Variants in FLT1 observed in about 807,000 individuals in gnomAD.
FLT1 encodes the protein vascular endothelial growth factor receptor 1.
A neutral mutation model predicts 156.3 loss-of-function variants in FLT1; 49 were observed. The ratio of observed to expected loss-of-function variants is 0.31; its 90% confidence interval spans 0.25 to 0.40. FLT1 has a LOEUF of 0.40. FLT1 is among the 10% of genes least tolerant of loss of function. FLT1 has a pLI of 1.00. For missense variants in FLT1, 1,322 were observed against 1,637.2 expected, an observed-to-expected ratio of 0.81 and a Z score of 3.32; for synonymous variants, 594 against 583.8, an observed-to-expected ratio of 1.02 and a Z score of -0.25.
intron 6 of FLT1, among the ~76,000 whole-genome samples, chr13:28,433,574 A>G (rs1343944633): frequency 6.6e-6 from 1 of 152,198 alleles, no homozygotes; most frequent in African/African-American, 2.4e-5. Context: ...AGAATCATGC[A>G]ATAGAAATAC....
rs973821008 is a variant in FLT1, at chr13:28,302,848, C to G, written c.*319G>C. On this transcript the variant is annotated 3_prime_UTR_variant, in exon 30 of 30. Transcript: ENST00000282397. ...ATGCATTGGGTGATCAGTGCAGCTC[C>G]TCAATCAAACTGGTCCTGCGTGCCC... The G allele has an allele frequency of 1.3e-4, 56 of 438,074 alleles. No individual in the cohort carries two copies. Among genetic ancestry groups the G allele is most frequent in the Non-Finnish European group, 2.1e-4 (50 of 236,932 alleles). The allele number at this position is 438,074 out of a possible 1,614,324, so 27.1% of individuals were successfully genotyped here. A position where few individuals can be genotyped will look rare whatever the true frequency, so the allele number is the denominator to read the frequency against.
chr13:28,301,022 C>T lies in FLT1; in HGVS notation c.*2145G>A, dbSNP rs759959969. 2 of 232,488 alleles carry T rather than the reference C, an allele frequency of 8.6e-6. No individual in the cohort carries two copies. The highest frequency in any genetic ancestry group is 1.7e-5 in the Non-Finnish European group (2 of 117,724). The allele number at this position is 232,488 out of a possible 1,614,324, so 14.4% of individuals were successfully genotyped here. A position where few individuals can be genotyped will look rare whatever the true frequency, so the allele number is the denominator to read the frequency against. On this transcript the variant is annotated 3_prime_UTR_variant, in exon 30 of 30. Transcript: ENST00000282397. ...TGCTACAAACCTGAGTTTGAAGGAG[C>T]TGAGTAACAATTCTAATGGTTTTGC...
chr13:28,318,500 C>T (rs148093609), intron 24 of FLT1, among the ~76,000 whole-genome samples: 2 of 152,178 alleles, frequency 1.3e-5, no homozygotes, highest in East Asian at 3.9e-4. Flanking sequence ...CCTCATCTAC[C>T]TCAGCATTTG....
chr13:28,479,954 C>T (rs761281122), intron 1 of FLT1, among the ~76,000 whole-genome samples: 2 of 152,120 alleles, frequency 1.3e-5, no homozygotes, highest in Non-Finnish European at 2.9e-5. Flanking sequence ...AGGACAAAAC[C>T]AAAACCAAAG....
At chr13:28,358,946 G>A (rs1020201604) in intron 14 of FLT1, among the ~76,000 whole-genome samples, 1 of 152,120 alleles carries the variant, frequency 6.6e-6, no homozygotes, top group Non-Finnish European at 1.5e-5. Flanking sequence ...AATGAGAAAC[G>A]GAAGCATGAG....
intron 14 of FLT1, among the ~76,000 whole-genome samples, chr13:28,367,526 C>T (rs1357484746): frequency 6.6e-6 from 1 of 152,174 alleles, no homozygotes; most frequent in African/African-American, 2.4e-5. Context: ...TTTATTTCTT[C>T]CCATTATACC....
chr13:28,302,146 C>G lies in FLT1; in HGVS notation c.*1021G>C, dbSNP rs1870540856. 2 of 233,154 alleles carry G rather than the reference C, an allele frequency of 8.6e-6. No homozygotes were observed. The highest frequency in any genetic ancestry group is 1.7e-5 in the Non-Finnish European group (2 of 118,060). 14.4% of individuals were successfully genotyped at this position (233,154 alleles called of 1,614,324 possible). A position where few individuals can be genotyped will look rare whatever the true frequency, so the allele number is the denominator to read the frequency against. On this transcript the variant is annotated 3_prime_UTR_variant, in exon 30 of 30. Transcript: ENST00000282397. ...TTGATATGGAGAAAACTCCTCTCCT[C>G]AGGACTGCATTTTCATTCTTCTCAG... is the stretch of plus-strand genomic sequence containing the variant.
chr13:28,322,799 C>G lies in FLT1; in HGVS notation c.2944G>C (p.Glu982Gln). 6.2e-7 allele frequency: 1 copy of G among 1,613,974 alleles called. No homozygotes were observed. The highest frequency in any genetic ancestry group is 1.7e-4 in the Middle Eastern group (1 of 5,898). The change falls in exon 21 of 30, where the codon GAA becomes CAA. Residue 982 changes from glutamate (E) to glutamine (Q), a missense_variant. Glu to Gln is a conservative substitution (Grantham distance 29). Around this residue, in one of 3 missense-constraint regions of FLT1, gnomAD observed 991 missense variants for 1,254.8 expected, o/e 0.79. Coordinates refer to ENST00000282397, the MANE Select transcript of FLT1 (RefSeq NM_002019.4). The surrounding 1 kb of genome is among the most constrained non-coding windows in gnomAD (Gnocchi z 4.3). ...AGGAATTAATACCTACCCTCCTCTTCCTCAACATCACTCAGACTTTTATCT... is the reference window on the plus strand; with the variant it reads ...AGGAATTAATACCTACCCTCCTCTTGCTCAACATCACTCAGACTTTTATCT... ...QEDKSLSDVE[E>Q]EEDSDGFYKE...
At chr13:28,402,342 G>A (rs1875495011) in intron 11 of FLT1, among the ~76,000 whole-genome samples, 2 of 151,992 alleles carry the variant, frequency 1.3e-5, no homozygotes, top group African/African-American at 4.8e-5. Context: ...TAATTGTGAA[G>A]GAAAAAGCAC....
chr13:28,329,520 A>C (rs1871831936), intron 19 of FLT1, 95 bp downstream of exon 19: 1 of 887,306 alleles, frequency 1.1e-6, no homozygotes, highest in Non-Finnish European at 1.9e-6. Context: ...GGAGGCGAGG[A>C]AGCACAGTGC....
chr13:28,365,822 A>C (rs1169971921), intron 14 of FLT1, among the ~76,000 whole-genome samples: 1 of 152,214 alleles, frequency 6.6e-6, no homozygotes, highest in Non-Finnish European at 1.5e-5. Context: ...AGCCATAACA[A>C]TTCCCATGGA....
chr13:28,395,603 C>T (rs968424997), intron 12 of FLT1, among the ~76,000 whole-genome samples: 3 of 142,608 alleles, frequency 2.1e-5, no homozygotes, highest in East Asian at 1.9e-4. Flanking sequence ...TTTAAAAAAA[C>T]GTGGTTACTA....
At chr13:28,362,681 C>A (rs1008270757) in intron 14 of FLT1, among the ~76,000 whole-genome samples, 1 of 152,054 alleles carries the variant, frequency 6.6e-6, no homozygotes, top group Non-Finnish European at 1.5e-5. Context: ...ACAACAACAA[C>A]AAAAAACAGG....
At chr13:28,465,511 G>A (rs1452798703) in intron 3 of FLT1, among the ~76,000 whole-genome samples, 3 of 151,912 alleles carry the variant, frequency 2.0e-5, no homozygotes, top group Non-Finnish European at 2.9e-5. Context: ...TTATGCTCAG[G>A]GAAAAACACT....
intron 3 of FLT1, among the ~76,000 whole-genome samples, chr13:28,445,869 A>G (rs1216336420): frequency 6.6e-6 from 1 of 152,228 alleles, no homozygotes; most frequent in Non-Finnish European, 1.5e-5. Flanking sequence ...GAAAATGACA[A>G]ACCAATATCT....
chr13:28,307,485 G>A (rs894710435), intron 28 of FLT1, among the ~76,000 whole-genome samples: 9 of 151,848 alleles, frequency 5.9e-5, no homozygotes, highest in Non-Finnish European at 8.8e-5. Flanking sequence ...ATTCTTTCAC[G>A]TTTTGCTCAG....
chr13:28,484,481 T>C (rs1310710805), intron 1 of FLT1, among the ~76,000 whole-genome samples: 1 of 152,186 alleles, frequency 6.6e-6, no homozygotes, highest in African/African-American at 2.4e-5. Context: ...GCTTTGGGGC[T>C]CCTTTTCTGA....
At chr13:28,319,628 G>T (rs186677966) in intron 23 of FLT1, 94 bp from the exon 24 acceptor site, 6 of 739,540 alleles carry the variant, frequency 8.1e-6, no homozygotes, top group Non-Finnish European at 1.5e-5. Context: ...GATAACATAC[G>T]GCCTATAAAT....
intron 1 of FLT1, among the ~76,000 whole-genome samples, chr13:28,473,671 A>AAGAG (rs1227557664): frequency 0.041 from 4,866 of 118,262 alleles, 141 homozygotes; most frequent in African/African-American, 0.052. Flanking sequence ...GAAAGAAAGA[A>AAGAG]AGAGAGAGAG....
Sources: gnomAD v4.1 joint callset for allele counts (sites outside exome capture counted in the v4.1 genomes callset) on GRCh38, gnomAD v4.1.1 for gene constraint, gnomAD v4.1.1 regional missense constraint, Gnocchi (gnomAD v3.1) non-coding constraint, MANE v1.5 for transcripts, NCBI Gene and HGNC (gene_info 2026-07-23, HGNC 2026-07-21) for gene names.